Variants in SLC15A5 observed in about 807,000 individuals in gnomAD.
SLC15A5 encodes solute carrier family 15 member 5.
SLC15A5 carries 58 observed loss-of-function variants against 56.1 expected under a neutral mutation model. The ratio of observed to expected loss-of-function variants is 1.03; its 90% CI spans 0.84 to 1.29. The LOEUF (loss-of-function observed/expected upper bound fraction) is 1.29, where lower values mean the gene tolerates loss of function less well. Among genes scored for constraint, SLC15A5 ranks in the 50% most tolerant of loss-of-function variants. The probability of loss-of-function intolerance (pLI) is 0.00; values close to 1 mark genes in which losing one functional copy is unlikely to be tolerated. For synonymous variants in SLC15A5, 264 were observed against 250.5 expected (o/e 1.05, Z -0.51); for missense variants, 681 against 672.1 (o/e 1.01, Z -0.15).
At chr12:16,275,659 G>A (rs1013184507) in intron 1 of SLC15A5, among the ~76,000 whole-genome samples, 1 of 152,050 alleles carries the variant, frequency 6.6e-6, no homozygotes, top group South Asian at 2.1e-4. Context: ...GCAGCTGTAA[G>A]TGGAGGGCAA....
intron 2 of SLC15A5, among the ~76,000 whole-genome samples, chr12:16,262,973 G>A (rs1224968955): frequency 2.0e-5 from 3 of 152,130 alleles, no homozygotes; most frequent in Non-Finnish European, 4.4e-5. Context: ...CCAGTCTCAG[G>A]TATGTCTTTA....
chr12:16,205,567 G>T (rs1565657568), intron 7 of SLC15A5, among the ~76,000 whole-genome samples: 315 of 2,186 alleles, frequency 0.14, 9 homozygotes, highest in African/African-American at 0.26. Context: ...TATTCCATAA[G>T]AAGGGAAAGG....
intron 4 of SLC15A5, among the ~76,000 whole-genome samples, chr12:16,241,217 A>G (rs908458251): frequency 6.6e-6 from 1 of 152,152 alleles, no homozygotes; most frequent in African/African-American, 2.4e-5. Context: ...TGAGGAATGG[A>G]TCCTCCAAAC....
intron 3 of SLC15A5, among the ~76,000 whole-genome samples, chr12:16,245,423 T>G (rs985882595): frequency 6.6e-6 from 1 of 152,208 alleles, no homozygotes; most frequent in Non-Finnish European, 1.5e-5. Flanking sequence ...CTTCTAGGTT[T>G]ACATGGCTGT....
At chr12:16,197,681 C>T (rs865888365) in intron 7 of SLC15A5, among the ~76,000 whole-genome samples, 13 of 152,018 alleles carry the variant, frequency 8.6e-5, no homozygotes, top group African/African-American at 3.1e-4. Context: ...AGGTAGCTCA[C>T]ACACCATCAT....
rs1363158124 is a variant in SLC15A5, at chr12:16,272,725, G to C, written c.420C>G (p.Tyr140Ter). The change falls in exon 2 of 9, where the codon TAC (tyrosine) becomes TAG (stop). Residue 140 changes from tyrosine (Y) to a stop codon, truncating the protein, a stop_gained. Coordinates refer to ENST00000344941, the MANE Select transcript of SLC15A5 (RefSeq NM_001170798.1). LOFTEE classifies it high-confidence loss of function. ...TTTTTGGTATGTTGTTAACTGCATG[G>C]TAAGTGCCCAGATAGAAATCTTCCA... ...FPLEDFYLGT[Y>*]HAVNNIPKTE... 6.5e-7 allele frequency: 1 copy of C among 1,537,186 alleles called. No homozygotes were observed. Among genetic ancestry groups the C allele is most frequent in the Non-Finnish European group, 8.7e-7 (1 of 1,146,738 alleles).
intron 3 of SLC15A5, among the ~76,000 whole-genome samples, chr12:16,255,756 A>G (rs536479548): frequency 2.4e-4 from 36 of 152,124 alleles, no homozygotes; most frequent in Middle Eastern, 6.8e-3. Flanking sequence ...CGATGAATAT[A>G]CAATTATAAA....
chr12:16,233,594 A>G (rs1212961151), intron 5 of SLC15A5, among the ~76,000 whole-genome samples: 3 of 152,150 alleles, frequency 2.0e-5, no homozygotes, highest in Non-Finnish European at 4.4e-5. Context: ...ATCCGCTTTT[A>G]TTACCTGTTA....
At chr12:16,257,977 G>T in intron 2 of SLC15A5, 107 bp from the exon 3 acceptor site, 1 of 1,068,950 alleles carries the variant, frequency 9.4e-7, no homozygotes, top group Non-Finnish European at 1.2e-6. Flanking sequence ...ATGATGGCAT[G>T]TTAACTGAAC....
chr12:16,214,086 G>A (rs1483086525), intron 7 of SLC15A5, among the ~76,000 whole-genome samples: 1 of 152,118 alleles, frequency 6.6e-6, no homozygotes, highest in Non-Finnish European at 1.5e-5. Flanking sequence ...GATGACTAGA[G>A]AACTTGACTT....
At chr12:16,246,877 T>C (rs1426800188) in intron 3 of SLC15A5, among the ~76,000 whole-genome samples, 1 of 152,096 alleles carries the variant, frequency 6.6e-6, no homozygotes, top group African/African-American at 2.4e-5. Flanking sequence ...GTAGTGGTAG[T>C]TCAGATTAGT....
chr12:16,189,690 T>C lies in SLC15A5; in HGVS notation c.1718A>G (p.Asp573Gly), dbSNP rs1863821931. 6.6e-7 allele frequency: 1 copy of C among 1,523,786 alleles called. No individual in the cohort carries two copies. The highest frequency in any genetic ancestry group is 8.8e-7 in the Non-Finnish European group (1 of 1,141,130). 94.4% of individuals were successfully genotyped at this position (1,523,786 alleles called of 1,614,324 possible). The change falls in exon 9 of 9, where the codon GAT (aspartate) becomes GGT (glycine). Residue 573 changes from aspartate to glycine, a missense_variant. Transcript: ENST00000344941. ...GTTTCATAGGGCTGTCTCCCAAAGA[T>C]CAATACTTGAAGAAAATTCCTGTAT... Reference protein sequence around the residue: ...GSIQEFSSSIDLWETAL With the variant: ...GSIQEFSSSIGLWETAL
At chr12:16,220,391 C>T (rs1335031985) in intron 6 of SLC15A5, among the ~76,000 whole-genome samples, 1 of 152,176 alleles carries the variant, frequency 6.6e-6, no homozygotes, top group Non-Finnish European at 1.5e-5. Flanking sequence ...GATCATCCTT[C>T]CCACCTTCCA....
rs117327699 is a variant in SLC15A5, at chr12:16,237,308, T to C, written c.1162+2373A>G. Among the ~76,000 whole-genome samples, 195 of 152,318 alleles carry C rather than the reference T, an allele frequency of 1.3e-3. 6 individuals are homozygous for C. The East Asian group carries it at 0.027, about 21-fold the overall frequency. ...AGACGCATATCATCGCACTTTTATA[T>C]TCCCATAGCAAAACGTTATGCAAAT... On this transcript the variant is annotated intron_variant, in intron 5 of 8. Transcript: ENST00000344941. This position sits in a 1 kb window ranked among gnomAD's most constrained non-coding sequence, Gnocchi z 4.1.
chr12:16,192,573 T>G (rs932626788), intron 8 of SLC15A5, among the ~76,000 whole-genome samples: 1 of 152,096 alleles, frequency 6.6e-6, no homozygotes, highest in Non-Finnish European at 1.5e-5. Context: ...TAGCTCCATG[T>G]AGACTACAAG....
At chr12:16,251,041 G>A (rs373347064) in intron 3 of SLC15A5, among the ~76,000 whole-genome samples, 4 of 151,794 alleles carry the variant, frequency 2.6e-5, no homozygotes, top group African/African-American at 9.7e-5. Context: ...AAAATATAAT[G>A]CTCTAAAAAT....
intron 4 of SLC15A5, among the ~76,000 whole-genome samples, chr12:16,241,697 C>A (rs1406705928): frequency 2.0e-5 from 3 of 152,146 alleles, no homozygotes; most frequent in Non-Finnish European, 2.9e-5. Context: ...ACAAAAAGTG[C>A]TGGCAGCGGA....
intron 8 of SLC15A5, among the ~76,000 whole-genome samples, chr12:16,194,044 T>C (rs1180371775): frequency 1.3e-5 from 2 of 152,098 alleles, no homozygotes; most frequent in African/African-American, 2.4e-5. Flanking sequence ...TTAGTGGTAA[T>C]GATTCACTCG....
At chr12:16,241,409 G>GT (rs1166975026) in intron 4 of SLC15A5, among the ~76,000 whole-genome samples, 1 of 152,180 alleles carries the variant, frequency 6.6e-6, no homozygotes. Context: ...CAGTACAGCT[G>GT]TTACCAAGTC....
Sources: allele counts gnomAD v4.1 joint callset (sites outside exome capture counted in the v4.1 genomes callset), GRCh38; gene constraint gnomAD v4.1.1; non-coding constraint Gnocchi (gnomAD v3.1); transcripts MANE v1.5; gene names NCBI Gene and HGNC (gene_info 2026-07-23, HGNC 2026-07-21).